STARD9: variants seen among roughly 807,000 people sequenced by gnomAD.
STARD9 encodes stAR-related lipid transfer protein 9.
A neutral mutation model predicts 399.8 loss-of-function variants in STARD9; 346 were observed. The observed-to-expected ratio is 0.87, with a 90% CI of 0.79 to 0.95. The LOEUF is 0.95. Ranked by LOEUF, STARD9 falls within the 40% of genes least tolerant of loss-of-function variation. STARD9 has a pLI of 0.00. For synonymous variants in STARD9, 2,203 were observed against 2,143.5 expected (o/e 1.03, Z -0.77); for missense variants, 5,832 against 5,667.5 (o/e 1.03, Z -0.93).
Position 42,575,767 on chromosome 15 carries a change from G to A in STARD9, c.47+5G>A, listed in dbSNP as rs1177140748. ...GGTCCGGCCGCTCAGCAAGAGGTGAGTCTCCGCGGGAGAGGGCGCCTGAGG... is the reference window on the plus strand; with the variant it reads ...GGTCCGGCCGCTCAGCAAGAGGTGAATCTCCGCGGGAGAGGGCGCCTGAGG... On this transcript the variant is annotated splice_donor_5th_base_variant and intron_variant, in intron 1 of 32. Coordinates refer to ENST00000290607, the MANE Select transcript of STARD9 (RefSeq NM_020759.3). The A allele has an allele frequency of 1.6e-5, 24 of 1,536,830 alleles. No individual in the cohort carries two copies. Among genetic ancestry groups the A allele is most frequent in the African/African-American group, 2.7e-5 (2 of 73,062 alleles).
At chr15:42,652,783 C>G (rs908017338) in intron 9 of STARD9, among the ~76,000 whole-genome samples, 191 bp downstream of exon 9, 3 of 152,172 alleles carry the variant, frequency 2.0e-5, no homozygotes, top group African/African-American at 7.2e-5. Context: ...TCAAACAATT[C>G]TCCTGCCTCA....
chr15:42,684,238 C>T lies in STARD9; in HGVS notation c.2660C>T (p.Thr887Ile). ...LPQAASYPAR[T>I]GCLRKNGLHS... ...CAGGCTGCTTCCTACCCTGCAAGGA[C>T]AGGGTGCCTCCGCAAGAACGGCCTG... The change falls in exon 23 of 33, where the codon ACA becomes ATA. Residue 887 changes from threonine (T) to isoleucine (I), a missense_variant. Physicochemically the swap from Thr to Ile is moderately conservative, Grantham distance 89. This residue lies in a region of STARD9 where 5,828 missense variants were observed against 5,651.1 expected (regional missense o/e 1.03). Transcript: ENST00000290607. 6.5e-7 allele frequency: 1 copy of T among 1,537,294 alleles called. No homozygotes were observed. Among genetic ancestry groups the T allele is most frequent in the Non-Finnish European group, 8.7e-7 (1 of 1,146,924 alleles).
At position 42,684,097 on chromosome 15, in the gene STARD9, G is replaced by C. The variant is rs766042132; in HGVS notation, c.2538-19G>C. 2.0e-6 allele frequency: 3 copies of C among 1,511,956 alleles called. No homozygotes were observed. In the African/African-American group the frequency reaches 4.1e-5, roughly 21 times the overall value. 93.7% of individuals were successfully genotyped at this position (1,511,956 alleles called of 1,614,324 possible). A position where few individuals can be genotyped will look rare whatever the true frequency, so the allele number is the denominator to read the frequency against. ...AGTACCTCTCACATCTTCTGAGATA[G>C]CTTTCCTTGTCTTCACAGCATTTTC... On this transcript the variant is annotated intron_variant, in intron 22 of 32. Coordinates refer to ENST00000290607, the MANE Select transcript of STARD9 (RefSeq NM_020759.3).
Position 42,583,380 on chromosome 15 carries a change from G to T in STARD9, c.82G>T (p.Val28Phe). ...TKEGGRIIVE[V>F]DGKVAKIRNL... Reference sequence around the variant, plus strand: ...AGAAGGGGGAAGAATTATTGTGGAAGTTGATGGCAAAGTGGCAAAAATCAG... The same window carrying T: ...AGAAGGGGGAAGAATTATTGTGGAATTTGATGGCAAAGTGGCAAAAATCAG... The change falls in exon 2 of 33, where the codon GTT becomes TTT. Residue 28 changes from valine (V) to phenylalanine (F), a missense_variant. By Grantham distance (50) the Val-to-Phe change is conservative. Around this residue, in one of 2 missense-constraint regions of STARD9, gnomAD observed 5,828 missense variants for 5,651.1 expected, o/e 1.03. Transcript: ENST00000290607. The T allele has an allele frequency of 6.5e-7, 1 of 1,537,278 alleles. No individual in the cohort carries two copies. The highest frequency in any genetic ancestry group is 1.2e-5 in the South Asian group (1 of 84,062).
At chr15:42,625,192 A>T (rs1159072711) in intron 3 of STARD9, among the ~76,000 whole-genome samples, 3 of 151,542 alleles carry the variant, frequency 2.0e-5, no homozygotes, top group African/African-American at 4.9e-5. Context: ...ACACCCGGCT[A>T]ATTTTTGTAT....
intron 3 of STARD9, among the ~76,000 whole-genome samples, chr15:42,616,190 T>C (rs576893927): frequency 6.6e-6 from 1 of 152,232 alleles, no homozygotes; most frequent in African/African-American, 2.4e-5. Flanking sequence ...AATGAAAAGG[T>C]TAATAATAGG....
rs1487891269 is a variant in STARD9 at position 42,691,625 on chromosome 15, C to A, written c.10047C>A (p.Asp3349Glu). The A allele has an allele frequency of 2.0e-6, 3 of 1,537,224 alleles. No homozygotes were observed. The highest frequency in any genetic ancestry group is 2.6e-6 in the Non-Finnish European group (3 of 1,146,898). The change falls in exon 23 of 33, where the codon GAC (aspartate) becomes GAA (glutamate). Residue 3349 changes from aspartate (D) to glutamate (E), a missense_variant. Around this residue, in one of 2 missense-constraint regions of STARD9, gnomAD observed 5,828 missense variants for 5,651.1 expected, o/e 1.03. Transcript: ENST00000290607. ...GTGTGGAGCCTCCTTCCCCTACAGA[C>A]GAAGATACACAGGGGCCTAACAGAT... ...NLSVEPPSPTDEDTQGPNRLW... is the reference protein window; with the variant it reads ...NLSVEPPSPTEEDTQGPNRLW...
rs767165285 is a variant in STARD9 at position 42,661,179 on chromosome 15, C to G, written c.724C>G (p.Pro242Ala). The stretch of plus-strand genomic sequence containing the variant: ...CTAGGCAATCCTGGAGAACAACCTC[C>G]CTTCTGAAATGGCTAGCAAGATCAA... ...YTQAILENNL[P>A]SEMASKINLV... is the part of the protein sequence containing the mutation. Residue 242 changes from proline to alanine, a missense_variant, in exon 10 of 33, where the codon CCT (proline) becomes GCT (alanine). Physicochemically the swap from Pro to Ala is conservative, Grantham distance 27. Transcript: ENST00000290607. 27 of 1,536,756 alleles carry G rather than the reference C, an allele frequency of 1.8e-5. No individual in the cohort carries two copies. Among genetic ancestry groups the G allele is most frequent in the Non-Finnish European group, 2.1e-5 (24 of 1,146,684 alleles).
intron 9 of STARD9, 37 bp from the exon 10 acceptor site, chr15:42,661,121 G>C (rs1167135159): frequency 1.4e-6 from 2 of 1,447,394 alleles, no homozygotes; most frequent in Non-Finnish European, 1.9e-6. Context: ...AATACAAATC[G>C]TTCCAAATGA....
chr15:42,600,651 G>T (rs566288410), intron 3 of STARD9, among the ~76,000 whole-genome samples: 1 of 151,148 alleles, frequency 6.6e-6, no homozygotes, highest in Non-Finnish European at 1.5e-5. Flanking sequence ...TCAGCCTCCC[G>T]AGTAGCTGGG....
intron 26 of STARD9, among the ~76,000 whole-genome samples, chr15:42,699,615 G>A (rs574401311): frequency 5.3e-5 from 8 of 151,516 alleles, no homozygotes; most frequent in South Asian, 2.1e-4. Context: ...GGATGGTCTC[G>A]ATTTCCTGAC....
intron 3 of STARD9, among the ~76,000 whole-genome samples, chr15:42,610,797 T>C (rs1179316440): frequency 6.6e-6 from 1 of 152,208 alleles, no homozygotes; most frequent in Non-Finnish European, 1.5e-5. Context: ...TCCGCTTATC[T>C]CAGCCTCCCA....
intron 3 of STARD9, among the ~76,000 whole-genome samples, chr15:42,588,996 G>C (rs2058342634): frequency 6.6e-6 from 1 of 151,460 alleles, no homozygotes; most frequent in African/African-American, 2.4e-5. Context: ...TGTATTTTTA[G>C]TAGAGACAGG....
intron 26 of STARD9, among the ~76,000 whole-genome samples, chr15:42,707,993 G>GAA (rs71307484): frequency 9.6e-4 from 125 of 130,272 alleles, no homozygotes; most frequent in African/African-American, 2.4e-3. Context: ...GGGCAACATA[G>GAA]AAAAAAAAAA....
intron 26 of STARD9, among the ~76,000 whole-genome samples, chr15:42,705,210 T>TG (rs2061049934): frequency 6.6e-6 from 1 of 152,236 alleles, no homozygotes; most frequent in East Asian, 1.9e-4. Context: ...TACCTAGGGT[T>TG]GGGGAAGGGT....
chr15:42,699,468 A>T (rs566987401), intron 26 of STARD9, among the ~76,000 whole-genome samples: 5 of 134,768 alleles, frequency 3.7e-5, no homozygotes, highest in African/African-American at 1.4e-4. Flanking sequence ...ATCTCGGCTC[A>T]CTGCAAGCTC....
chr15:42,681,734 G>A (rs1212623935), intron 21 of STARD9, 122 bp downstream of exon 21: 5 of 924,604 alleles, frequency 5.4e-6, no homozygotes, highest in South Asian at 3.6e-5. Flanking sequence ...TTGGTATTAG[G>A]TGTTCTCTTT....
At chr15:42,600,716 G>C (rs983029207) in intron 3 of STARD9, among the ~76,000 whole-genome samples, 21 of 151,644 alleles carry the variant, frequency 1.4e-4, no homozygotes, top group African/African-American at 4.8e-4. Context: ...GTAAAGATGG[G>C]GTCTCTCCAT....
intron 3 of STARD9, among the ~76,000 whole-genome samples, chr15:42,632,868 C>G (rs2059357460): frequency 6.6e-6 from 1 of 151,922 alleles, no homozygotes; most frequent in African/African-American, 2.4e-5. Flanking sequence ...AAGAGCCAGA[C>G]ACAGTGGCGC....
Sources: allele counts gnomAD v4.1 joint callset (sites outside exome capture counted in the v4.1 genomes callset), GRCh38; gene constraint gnomAD v4.1.1; regional missense constraint gnomAD v4.1.1; transcripts MANE v1.5; gene names NCBI Gene and HGNC (gene_info 2026-07-23, HGNC 2026-07-21).